The following CNTNAP2 variants were observed in gnomAD, a reference collection of about 807,000 sequenced individuals.
CNTNAP2 encodes contactin associated protein 2, also known as contactin-associated protein-like 2.
CNTNAP2 carries 98 observed loss-of-function variants against 155.2 expected under a neutral mutation model. The observed-to-expected ratio is 0.63, with a 90% confidence interval of 0.54 to 0.75. The LOEUF (loss-of-function observed/expected upper bound fraction) is 0.75. Ranked by LOEUF, CNTNAP2 falls within the 30% of genes least tolerant of loss-of-function variation. The probability of loss-of-function intolerance (pLI) is 0.00; values close to 1 mark genes in which losing one functional copy is unlikely to be tolerated. For missense variants in CNTNAP2, 1,727 were observed against 1,688.1 expected, an observed-to-expected ratio of 1.02 and a Z score of -0.40; for synonymous variants, 651 against 631.2, an observed-to-expected ratio of 1.03 and a Z score of -0.47.
chr7:148,142,065 A>T (rs919024545), intron 16 of CNTNAP2, among the ~76,000 whole-genome samples: 3 of 150,818 alleles, frequency 2.0e-5, no homozygotes, highest in Non-Finnish European at 2.9e-5. Context: ...TTATAGTGCC[A>T]GTGGTTGTTA....
intron 11 of CNTNAP2, among the ~76,000 whole-genome samples, chr7:147,557,832 G>T (rs1273477020): frequency 6.6e-6 from 1 of 152,168 alleles, no homozygotes; most frequent in Non-Finnish European, 1.5e-5. Flanking sequence ...TTTTTGCCAT[G>T]ACTTTTCATA....
intron 3 of CNTNAP2, among the ~76,000 whole-genome samples, chr7:146,976,417 T>C (rs1375419885): frequency 6.6e-6 from 1 of 152,138 alleles, no homozygotes; most frequent in Admixed American, 6.5e-5. Flanking sequence ...CCAGGCTCTT[T>C]TACCTGTGCT....
chr7:147,296,517 A>T (rs563493715), intron 8 of CNTNAP2, among the ~76,000 whole-genome samples: 28 of 152,214 alleles, frequency 1.8e-4, no homozygotes, highest in Non-Finnish European at 3.2e-4. Context: ...ATAAGAAATA[A>T]CATTTATTGT....
At chr7:147,437,177 T>C (rs1025938153) in intron 10 of CNTNAP2, among the ~76,000 whole-genome samples, 3 of 152,032 alleles carry the variant, frequency 2.0e-5, no homozygotes, top group African/African-American at 7.2e-5. Context: ...ATTGCTGATA[T>C]ACTGTGAATA....
rs79409310 is a variant in CNTNAP2 at position 148,182,491 on chromosome 7, G to A, written c.3010+10013G>A. On this transcript the variant is annotated intron_variant, in intron 18 of 23. Transcript: ENST00000361727. ...TTTGCGCGCTTATCATTTCCAACAG[G>A]CAGCTCTGGCCTTAGCAACTGGGCT... is the stretch of plus-strand genomic sequence containing the variant. 1.6e-3 allele frequency among the ~76,000 whole-genome samples: 244 copies of A among 152,232 alleles called. 2 individuals carry two copies. Among genetic ancestry groups the A allele is most frequent in the African/African-American group, 5.5e-3 (228 of 41,542 alleles).
chr7:147,014,401 G>C (rs1438656183), intron 3 of CNTNAP2, among the ~76,000 whole-genome samples: 2 of 151,916 alleles, frequency 1.3e-5, no homozygotes, highest in African/African-American at 4.8e-5. Flanking sequence ...TTATCCACTG[G>C]TGTAATATCT....
chr7:146,634,857 T>C (rs1382692183), intron 1 of CNTNAP2, among the ~76,000 whole-genome samples: 1 of 152,208 alleles, frequency 6.6e-6, no homozygotes, highest in African/African-American at 2.4e-5. Flanking sequence ...TCATTCCAAT[T>C]AAACCAATGG....
rs564394781 is a variant in CNTNAP2, at chr7:146,204,376, T to A, written c.97+87403T>A. On this transcript the variant is annotated intron_variant, in intron 1 of 23. Coordinates refer to ENST00000361727, the MANE Select transcript of CNTNAP2 (RefSeq NM_014141.6). Reference sequence around the variant, plus strand: ...ATCAGAGGAAAGAGTATAATGGGAATTGTAATAGGTATACCTTTTTTTATT... The same window carrying A: ...ATCAGAGGAAAGAGTATAATGGGAAATGTAATAGGTATACCTTTTTTTATT... Among the ~76,000 whole-genome samples, 37 of 152,290 alleles carry A rather than the reference T, an allele frequency of 2.4e-4. 1 individual carries two copies. The highest frequency in any genetic ancestry group is 8.2e-4 in the African/African-American group (34 of 41,578).
chr7:146,395,874 T>C (rs937421757), intron 1 of CNTNAP2, among the ~76,000 whole-genome samples: 4 of 151,804 alleles, frequency 2.6e-5, no homozygotes, highest in African/African-American at 9.7e-5. Flanking sequence ...GACAGGTATG[T>C]AGTTTCACCT....
chr7:146,347,519 T>TA (rs1794837492), intron 1 of CNTNAP2, among the ~76,000 whole-genome samples: 1 of 152,180 alleles, frequency 6.6e-6, no homozygotes, highest in African/African-American at 2.4e-5. Context: ...ATGCTTACAA[T>TA]AAGTTATTTT....
intron 10 of CNTNAP2, among the ~76,000 whole-genome samples, chr7:147,466,133 C>T (rs6947428): frequency 1.3e-5 from 2 of 152,072 alleles, no homozygotes; most frequent in Admixed American, 6.5e-5. Flanking sequence ...TTAATGTCTA[C>T]GTTCAACCAA....
intron 9 of CNTNAP2, among the ~76,000 whole-genome samples, chr7:147,347,454 ATGC>A (rs1795890891): frequency 2.1e-5 from 1 of 47,782 alleles, no homozygotes; most frequent in African/African-American, 6.9e-5. Flanking sequence ...ATATATATAT[ATGC>A]ATATATATAT....
intron 2 of CNTNAP2, among the ~76,000 whole-genome samples, chr7:146,787,752 C>T (rs1178836366): frequency 6.6e-6 from 1 of 152,156 alleles, no homozygotes; most frequent in Non-Finnish European, 1.5e-5. Context: ...GTCCATTTTA[C>T]AGAGAGCCGA....
At chr7:147,945,774 A>T (rs1217095282) in intron 14 of CNTNAP2, among the ~76,000 whole-genome samples, 1 of 151,544 alleles carries the variant, frequency 6.6e-6, no homozygotes, top group East Asian at 1.9e-4. Flanking sequence ...AATTTTATTG[A>T]CTTCTTTCAC....
intron 3 of CNTNAP2, among the ~76,000 whole-genome samples, chr7:146,913,937 C>T (rs932663980): frequency 2.0e-5 from 3 of 151,932 alleles, no homozygotes; most frequent in Non-Finnish European, 4.4e-5. Flanking sequence ...CCCAAAGTCC[C>T]TTGTAACATT....
chr7:147,258,566 T>C (rs939975123), intron 8 of CNTNAP2, among the ~76,000 whole-genome samples: 68 of 152,266 alleles, frequency 4.5e-4, no homozygotes, highest in African/African-American at 1.6e-3. Flanking sequence ...TCCAGTCCCC[T>C]GAATGAACTC....
chr7:147,999,327 C>T (rs779439385), intron 15 of CNTNAP2, among the ~76,000 whole-genome samples: 2 of 152,108 alleles, frequency 1.3e-5, no homozygotes, highest in Admixed American at 6.5e-5. Flanking sequence ...CCGCCCACCT[C>T]GGCCTCCCAA....
intron 1 of CNTNAP2, among the ~76,000 whole-genome samples, chr7:146,354,142 G>A (rs1794962743): frequency 6.6e-6 from 1 of 152,056 alleles, no homozygotes; most frequent in South Asian, 2.1e-4. Flanking sequence ...TCAACACTAG[G>A]AGTCAGAGAA....
intron 1 of CNTNAP2, among the ~76,000 whole-genome samples, chr7:146,624,705 A>T (rs1009107769): frequency 1.3e-5 from 2 of 151,816 alleles, no homozygotes; most frequent in Non-Finnish European, 1.5e-5. Context: ...TAGCTATTTC[A>T]TGTCTCTTTC....
Sources: allele counts gnomAD v4.1 joint callset (sites outside exome capture counted in the v4.1 genomes callset), GRCh38; gene constraint gnomAD v4.1.1; transcripts MANE v1.5; gene names NCBI Gene and HGNC (gene_info 2026-07-23, HGNC 2026-07-21).